GAPVD1: variants seen among roughly 807,000 people sequenced by gnomAD.
GAPVD1 encodes the protein GTPase-activating protein and VPS9 domain-containing protein 1.
A neutral mutation model predicts 155.5 loss-of-function variants in GAPVD1; 35 were observed. That is an observed-to-expected ratio of 0.23 (90% CI 0.17 to 0.30). The LOEUF is 0.30. Among genes scored for constraint, GAPVD1 ranks in the 10% least tolerant of loss-of-function variants. GAPVD1 has a pLI of 1.00. For synonymous variants in GAPVD1, 636 were observed against 619.7 expected (o/e 1.03, Z -0.39); for missense variants, 1,429 against 1,775.7 (o/e 0.80, Z 3.51).
At chr9:125,264,236 CT>C in intron 1 of GAPVD1, 1 of 588,498 alleles carries the variant, frequency 1.7e-6, no homozygotes, top group Non-Finnish European at 3.1e-6. Context: ...GCTCTGTTGC[CT>C]AGGCTGGAGT....
chr9:125,268,785 C>T (rs766666955), intron 1 of GAPVD1, among the ~76,000 whole-genome samples, 151 bp from the exon 2 acceptor site: 10 of 152,112 alleles, frequency 6.6e-5, no homozygotes, highest in South Asian at 2.1e-4. Context: ...TCATCTGCCT[C>T]GGCCTCCCAA....
chr9:125,346,665 G>A (rs1187260785), intron 19 of GAPVD1, 154 bp from the exon 20 acceptor site: 2 of 702,084 alleles, frequency 2.8e-6, no homozygotes, highest in South Asian at 3.1e-5. Flanking sequence ...GGGATGAGTA[G>A]GCAGCTGCAT....
At chr9:125,268,540 TGCAGGCTGGAGTGCAGTAAC>T (rs1366002912) in intron 1 of GAPVD1, among the ~76,000 whole-genome samples, 1 of 145,204 alleles carries the variant, frequency 6.9e-6, no homozygotes, top group Non-Finnish European at 1.5e-5. Flanking sequence ...TGGTCTGTCA[TGCAGGCTGGAGTGCAGTAAC>T]GCTATCACAG....
rs1851330430 is a variant in GAPVD1, at chr9:125,364,565, C to T, written c.*1819C>T. 2 of 152,194 alleles carry T rather than the reference C, an allele frequency of 1.3e-5. No homozygotes were observed. The highest frequency in any genetic ancestry group is 4.8e-5 in the African/African-American group (2 of 41,466). The allele number at this position is 152,194 out of a possible 1,614,324, so 9.4% of individuals were successfully genotyped here. ...GCCAGAAACTAGATTTTCTTTATGCCTCCACCCCTTCTTATTCATTTACTT... is the reference window on the plus strand; with the variant it reads ...GCCAGAAACTAGATTTTCTTTATGCTTCCACCCCTTCTTATTCATTTACTT... On this transcript the variant is annotated 3_prime_UTR_variant, in exon 28 of 28. Coordinates refer to ENST00000297933, the MANE Select transcript of GAPVD1 (RefSeq NM_001282680.3).
chr9:125,285,769 TC>T (rs1269160838), intron 2 of GAPVD1, among the ~76,000 whole-genome samples: 1 of 151,412 alleles, frequency 6.6e-6, no homozygotes, highest in Non-Finnish European at 1.5e-5. Context: ...CCCATCTGTT[TC>T]GTTTTTATAG....
intron 2 of GAPVD1, among the ~76,000 whole-genome samples, chr9:125,293,841 A>AAAATATATTTTATATATAT (rs1564310372): frequency 1.2e-5 from 1 of 82,602 alleles, no homozygotes; most frequent in African/African-American, 5.8e-5. Flanking sequence ...ATATATATAT[A>AAAATATATTTTATATATAT]AAAATATATT....
At chr9:125,276,682 C>T (rs1011912203) in intron 2 of GAPVD1, among the ~76,000 whole-genome samples, 2 of 152,158 alleles carry the variant, frequency 1.3e-5, no homozygotes, top group Non-Finnish European at 2.9e-5. Context: ...GAGTGAGACC[C>T]TGTCTCAAAA....
At chr9:125,362,509 T>C in intron 27 of GAPVD1, 97 bp from the exon 28 acceptor site, 2 of 978,282 alleles carry the variant, frequency 2.0e-6, no homozygotes, top group African/African-American at 1.6e-5. Context: ...AGGATTGGTA[T>C]GTCTTTCATA....
At chr9:125,345,267 A>G (rs189887450) in intron 19 of GAPVD1, among the ~76,000 whole-genome samples, 48 of 149,238 alleles carry the variant, frequency 3.2e-4, no homozygotes, top group African/African-American at 1.0e-3. Context: ...TGCAATCTCT[A>G]TCTCCTGGGT....
chr9:125,314,023 T>C (rs1396782818), intron 9 of GAPVD1, among the ~76,000 whole-genome samples: 1 of 152,048 alleles, frequency 6.6e-6, no homozygotes, highest in Non-Finnish European at 1.5e-5. Context: ...GGCACTGAGG[T>C]TGGTGAATAG....
intron 20 of GAPVD1, among the ~76,000 whole-genome samples, chr9:125,347,167 G>A (rs1167421742): frequency 6.6e-6 from 1 of 152,108 alleles, no homozygotes; most frequent in African/African-American, 2.4e-5. Flanking sequence ...GTCCTCCTTT[G>A]CATCTGGGGT....
rs776786468 is a variant in GAPVD1 at position 125,337,316 on chromosome 9, G to A, written c.2602G>A (p.Glu868Lys). The change falls in exon 17 of 28, where the codon GAG (glutamate) becomes AAG (lysine). Residue 868 changes from glutamate (E) to lysine (K), a missense_variant. Physicochemically the swap from Glu to Lys is moderately conservative, Grantham distance 56 (BLOSUM62 1). Coordinates refer to ENST00000297933, the MANE Select transcript of GAPVD1 (RefSeq NM_001282680.3). Reference sequence around the variant, plus strand: ...CCTGGAAGGAGCTGTGGGAGGAAATGAGGCCAGGTTGCCAAACTTTGGTTC... The same window carrying A: ...CCTGGAAGGAGCTGTGGGAGGAAATAAGGCCAGGTTGCCAAACTTTGGTTC... ...PILEGAVGGN[E>K]ARLPNFGSHV... 1.2e-5 allele frequency: 19 copies of A among 1,614,192 alleles called. No individual in the cohort carries two copies. The South Asian group carries it at 1.9e-4, about 16-fold the overall frequency.
Position 125,299,528 on chromosome 9 carries a change from C to T in GAPVD1, c.185+422C>T, listed in dbSNP as rs181541990. On this transcript the variant is annotated intron_variant, in intron 4 of 27. Transcript: ENST00000297933. The stretch of plus-strand genomic sequence containing the variant: ...ACAATTATCTGGGCATTGTGGTAGG[C>T]GCCTGTAATCCCAGCTACTCGGGAG... 3.0e-3 allele frequency among the ~76,000 whole-genome samples: 458 copies of T among 151,644 alleles called. 3 individuals are homozygous for T. Among genetic ancestry groups the T allele is most frequent in the African/African-American group, 0.011 (439 of 41,364 alleles).
intron 9 of GAPVD1, 28 bp downstream of exon 9, chr9:125,312,640 A>G (rs749604116): frequency 7.1e-6 from 11 of 1,538,656 alleles, no homozygotes; most frequent in East Asian, 4.6e-5. Flanking sequence ...CTATAAATCA[A>G]TATTCATGTC....
intron 2 of GAPVD1, among the ~76,000 whole-genome samples, chr9:125,281,196 A>G (rs910128267): frequency 3.3e-5 from 5 of 152,194 alleles, no homozygotes; most frequent in Admixed American, 2.6e-4. Flanking sequence ...AGATTGTGAT[A>G]ATTACAGTGT....
intron 3 of GAPVD1, among the ~76,000 whole-genome samples, chr9:125,296,195 T>G (rs1839822041): frequency 6.6e-6 from 1 of 151,658 alleles, no homozygotes; most frequent in Non-Finnish European, 1.5e-5. Context: ...TTTTTTTTTT[T>G]TGAGAGAGAG....
Position 125,302,415 on chromosome 9 carries a change from A to G in GAPVD1, c.618A>G (p.Gln206=), listed in dbSNP as rs1459135055. ...LTATLHEPIM[Q]LLVEDEDHLE... is the part of the protein sequence containing the mutation. ...CCACTTTACATGAGCCAATTATGCA[A>G]CTGCTTGTTGAAGATGAAGATCACC... is the stretch of plus-strand genomic sequence containing the variant. Residue 206 remains glutamine (Q), a synonymous_variant, in exon 5 of 28, where the codon CAA becomes CAG. Coordinates refer to ENST00000297933, the MANE Select transcript of GAPVD1 (RefSeq NM_001282680.3). 8 of 1,613,910 alleles carry G rather than the reference A, an allele frequency of 5.0e-6. No individual in the cohort carries two copies. Among genetic ancestry groups the G allele is most frequent in the Non-Finnish European group, 6.8e-6 (8 of 1,179,882 alleles).
At chr9:125,325,782 A>G (rs546415683) in intron 11 of GAPVD1, among the ~76,000 whole-genome samples, 1 of 152,224 alleles carries the variant, frequency 6.6e-6, no homozygotes, top group Admixed American at 6.5e-5. Context: ...AGAAAACTCA[A>G]GTAATAAAGT....
At chr9:125,333,819 T>G (rs1846464164) in intron 15 of GAPVD1, among the ~76,000 whole-genome samples, 3 of 152,324 alleles carry the variant, frequency 2.0e-5, no homozygotes, top group South Asian at 4.1e-4. Flanking sequence ...AATTTTTTTT[T>G]GTTCTAAACC....
Sources: gnomAD v4.1 joint callset for allele counts (sites outside exome capture counted in the v4.1 genomes callset) on GRCh38, gnomAD v4.1.1 for gene constraint, MANE v1.5 for transcripts, NCBI Gene and HGNC (gene_info 2026-07-23, HGNC 2026-07-21) for gene names.